The following LRRC49 variants were observed in gnomAD, a reference collection of about 807,000 sequenced individuals.
LRRC49 encodes leucine rich repeat containing 49.
A neutral mutation model predicts 83.3 loss-of-function variants in LRRC49; 50 were observed. That is an observed-to-expected ratio of 0.60 (90% confidence interval 0.48 to 0.76). The LOEUF (loss-of-function observed/expected upper bound fraction) is 0.76, where lower values mean the gene tolerates loss of function less well. Ranked by LOEUF, LRRC49 falls within the 30% of genes least tolerant of loss-of-function variation. The probability of loss-of-function intolerance (pLI) is 0.00; values close to 1 mark genes in which losing one functional copy is unlikely to be tolerated. For synonymous variants in LRRC49, 286 were observed against 283.3 expected (o/e 1.01, Z -0.10); for missense variants, 704 against 809.1 (o/e 0.87, Z 1.58).
At chr15:70,927,318 AAATCTGTTACC>A (rs1392286006) in intron 7 of LRRC49, among the ~76,000 whole-genome samples, 1 of 152,194 alleles carries the variant, frequency 6.6e-6, no homozygotes, top group Non-Finnish European at 1.5e-5. Context: ...GTATCAGTTC[AAATCTGTTACC>A]TGTTTGAAAA....
intron 3 of LRRC49, 30 bp downstream of exon 3, chr15:70,895,966 GTTCATC>G (rs774378507): frequency 7.9e-7 from 1 of 1,270,884 alleles, no homozygotes; most frequent in Non-Finnish European, 1.1e-6. Context: ...ATCAGATGTG[GTTCATC>G]ATCTTTGAAT....
intron 1 of LRRC49, among the ~76,000 whole-genome samples, chr15:70,871,105 C>CGAA (rs2033023259): frequency 6.6e-6 from 1 of 151,888 alleles, no homozygotes; most frequent in Non-Finnish European, 1.5e-5. Flanking sequence ...CTGCGGCCTT[C>CGAA]CGCAGTGTTT....
chr15:70,877,782 A>G (rs2033181887), intron 2 of LRRC49, among the ~76,000 whole-genome samples: 2 of 152,200 alleles, frequency 1.3e-5, no homozygotes, highest in East Asian at 3.8e-4. Context: ...TTGTATTACT[A>G]CCAGCAATGT....
intron 15 of LRRC49, among the ~76,000 whole-genome samples, chr15:71,044,133 C>G (rs1388418474): frequency 6.6e-6 from 1 of 152,202 alleles, no homozygotes; most frequent in Non-Finnish European, 1.5e-5. Flanking sequence ...AAGGGAGCAG[C>G]TACATTCTGT....
intron 1 of LRRC49, among the ~76,000 whole-genome samples, chr15:70,869,549 A>G (rs1247456082): frequency 2.6e-5 from 4 of 152,160 alleles, no homozygotes; most frequent in Non-Finnish European, 4.4e-5. Flanking sequence ...ATATTTAAGT[A>G]GGGCTGGTGG....
intron 8 of LRRC49, among the ~76,000 whole-genome samples, chr15:70,958,013 G>A (rs2141189399): frequency 1.3e-5 from 2 of 152,194 alleles, no homozygotes; most frequent in South Asian, 4.1e-4. Flanking sequence ...ATGTACCCTT[G>A]TAACCATAAC....
At chr15:71,032,200 A>T (rs1417518853) in intron 14 of LRRC49, among the ~76,000 whole-genome samples, 1 of 152,194 alleles carries the variant, frequency 6.6e-6, no homozygotes, top group Non-Finnish European at 1.5e-5. Context: ...GGGGTAGCAC[A>T]GTCCCTCACG....
intron 6 of LRRC49, among the ~76,000 whole-genome samples, chr15:70,912,190 A>G (rs760988927): frequency 1.3e-5 from 2 of 152,178 alleles, no homozygotes; most frequent in Non-Finnish European, 2.9e-5. Context: ...TGGTAAGACT[A>G]TACAAAAACT....
intron 8 of LRRC49, among the ~76,000 whole-genome samples, chr15:70,956,345 A>C (rs902383670): frequency 4.6e-5 from 7 of 152,126 alleles, no homozygotes; most frequent in Non-Finnish European, 1.0e-4. Flanking sequence ...CAGATGTGGC[A>C]ATGTGAGGAG....
At chr15:70,891,431 T>C (rs537835328), upstream of LRRC49, among the ~76,000 whole-genome samples, 118 of 152,306 alleles carry the variant, frequency 7.7e-4, 1 homozygote, top group African/African-American at 2.8e-3. Flanking sequence ...TAAGGGACTT[T>C]CCTCAAGCTT....
intron 3 of LRRC49, among the ~76,000 whole-genome samples, chr15:70,896,437 A>AT (rs1451923059): frequency 6.6e-6 from 1 of 152,072 alleles, no homozygotes; most frequent in Non-Finnish European, 1.5e-5. Context: ...CATCTTCCCC[A>AT]TTCTGATTTT....
At chr15:70,976,596 G>GC (rs770236228) in intron 9 of LRRC49, among the ~76,000 whole-genome samples, 161 of 152,200 alleles carry the variant, frequency 1.1e-3, no homozygotes, top group Non-Finnish European at 2.0e-3. Flanking sequence ...TTAAATCACT[G>GC]CATGGCTTAA....
chr15:70,939,136 GCTT>G (rs2035709755), intron 8 of LRRC49, among the ~76,000 whole-genome samples: 1 of 152,154 alleles, frequency 6.6e-6, no homozygotes, highest in Non-Finnish European at 1.5e-5. Flanking sequence ...GTGAGATATA[GCTT>G]CTTATATTTC....
intron 9 of LRRC49, among the ~76,000 whole-genome samples, chr15:70,964,272 C>T (rs543698736): frequency 6.6e-6 from 1 of 152,164 alleles, no homozygotes; most frequent in African/African-American, 2.4e-5. Context: ...ACACTGGAGC[C>T]AGATTGCCTG....
intron 9 of LRRC49, among the ~76,000 whole-genome samples, chr15:70,969,630 ATTTG>A (rs1400801733): frequency 6.6e-6 from 1 of 152,112 alleles, no homozygotes; most frequent in Non-Finnish European, 1.5e-5. Context: ...ATGTTTTTCC[ATTTG>A]TTTATGTCCT....
chr15:71,016,539 A>C (rs769556476), intron 14 of LRRC49, among the ~76,000 whole-genome samples: 3 of 152,122 alleles, frequency 2.0e-5, no homozygotes, highest in Non-Finnish European at 4.4e-5. Flanking sequence ...TTCTAAAGAA[A>C]TAAGAATTTG....
intron 8 of LRRC49, among the ~76,000 whole-genome samples, chr15:70,949,832 T>A (rs934246972): frequency 3.9e-5 from 6 of 152,248 alleles, no homozygotes; most frequent in Admixed American, 6.5e-5. Flanking sequence ...AAATTTTAAG[T>A]TCGGGGCTAC....
intron 7 of LRRC49, among the ~76,000 whole-genome samples, chr15:70,934,057 C>A (rs769481787): frequency 6.6e-6 from 1 of 152,130 alleles, no homozygotes; most frequent in Non-Finnish European, 1.5e-5. Context: ...AGTCTGCTTG[C>A]ATTTAGCCCT....
chr15:70,875,488 C>T (rs1449306017), intron 2 of LRRC49, among the ~76,000 whole-genome samples: 1 of 152,284 alleles, frequency 6.6e-6, no homozygotes, highest in African/African-American at 2.4e-5. Flanking sequence ...CCGTACTTTA[C>T]AGATGAGGGA....
Sources: gnomAD v4.1 joint callset for allele counts (sites outside exome capture counted in the v4.1 genomes callset) on GRCh38, gnomAD v4.1.1 for gene constraint, MANE v1.5 for transcripts, NCBI Gene and HGNC (gene_info 2026-07-23, HGNC 2026-07-21) for gene names.